Variants in EFCAB6 observed in about 807,000 individuals in gnomAD.
The protein encoded by EFCAB6 is EF-hand calcium binding domain 6, also known as EF-hand calcium-binding domain-containing protein 6.
Under a neutral mutation model 169.8 loss-of-function variants are expected in EFCAB6, and 156 were observed. The observed-to-expected ratio is 0.92, with a 90% CI of 0.81 to 1.05. EFCAB6 has a LOEUF of 1.05. Ranked by LOEUF, EFCAB6 falls within the 50% of genes least tolerant of loss-of-function variation. The pLI is 0.00. For synonymous variants in EFCAB6, 698 were observed against 676.4 expected, an observed-to-expected ratio of 1.03 and a Z score of -0.50; for missense variants, 1,800 against 1,829.1, an observed-to-expected ratio of 0.98 and a Z score of 0.29.
At chr22:43,616,577 T>C (rs1015823669) in intron 20 of EFCAB6, among the ~76,000 whole-genome samples, 6 of 148,630 alleles carry the variant, frequency 4.0e-5, no homozygotes, top group African/African-American at 1.5e-4. Context: ...GGCAGGAGCA[T>C]TGCTTGAACC....
chr22:43,721,568 T>G (rs542471551), intron 8 of EFCAB6, among the ~76,000 whole-genome samples: 1 of 152,132 alleles, frequency 6.6e-6, no homozygotes, highest in South Asian at 2.1e-4. Flanking sequence ...TGGAACAGAA[T>G]AGGAAACTCA....
intron 29 of EFCAB6, chr22:43,535,152 C>T: frequency 2.9e-6 from 1 of 349,890 alleles, no homozygotes; most frequent in South Asian, 5.2e-5. Context: ...GACCAAAACA[C>T]AGAGAGGGAG....
chr22:43,529,121 TG>T, intron 31 of EFCAB6, 146 bp from the exon 32 acceptor site: 1 of 960,360 alleles, frequency 1.0e-6, no homozygotes. Flanking sequence ...GCTCTCTCTA[TG>T]CCCTCTCAAC....
At position 43,744,920 on chromosome 22, in the gene EFCAB6, A is replaced by G. The variant is rs76303712; in HGVS notation, c.508-8927T>C. ...GGAGGAGCTGAGAAGGGCGTGCTGA[A>G]CCAGCCCCACACTTGAGGTTTAAAC... On this transcript the variant is annotated intron_variant, in intron 6 of 31. Coordinates refer to ENST00000262726, the MANE Select transcript of EFCAB6 (RefSeq NM_022785.4). This position sits in a 1 kb window ranked among gnomAD's most constrained non-coding sequence, Gnocchi z 4.3. Among the ~76,000 whole-genome samples, 974 of 152,240 alleles carry G rather than the reference A, an allele frequency of 6.4e-3. 22 individuals carry two copies. Among genetic ancestry groups the G allele is most frequent in the African/African-American group, 0.023 (936 of 41,550 alleles).
chr22:43,618,223 A>AAAGAAAGAAAGAAAGG lies in EFCAB6; in HGVS notation c.2466-2302_2466-2301insCCTTTCTTTCTTTCTT, dbSNP rs1569257564. 6.1e-5 allele frequency among the ~76,000 whole-genome samples: 6 copies of AAAGAAAGAAAGAAAGG among 97,954 alleles called. No homozygotes were observed. In the East Asian group the frequency reaches 1.6e-3, roughly 25 times the overall value. 64.3% of individuals were successfully genotyped at this position (97,954 alleles called of 152,430 possible). ...GAAAGAAAGAAAGAAAGAAAGAAAGAGAAAGAAAGAAAGAGAGAGAAAGAG... is the reference window on the plus strand; with the variant it reads ...GAAAGAAAGAAAGAAAGAAAGAAAGAAAGAAAGAAAGAAAGGGAAAGAAAGAAAGAGAGAGAAAGAG... On this transcript the variant is annotated intron_variant, in intron 20 of 31. Transcript: ENST00000262726.
At chr22:43,611,040 A>G (rs2053263905) in intron 21 of EFCAB6, among the ~76,000 whole-genome samples, 2 of 152,236 alleles carry the variant, frequency 1.3e-5, no homozygotes, top group Admixed American at 6.5e-5. Context: ...AGTGGAGGGA[A>G]TAATTCCTAA....
chr22:43,568,094 C>T (rs537082847), intron 26 of EFCAB6, among the ~76,000 whole-genome samples: 14 of 152,314 alleles, frequency 9.2e-5, no homozygotes, highest in Admixed American at 2.6e-4. Context: ...TGTTTTGAGA[C>T]GCCCACCCAG....
intron 23 of EFCAB6, among the ~76,000 whole-genome samples, chr22:43,591,350 G>A (rs368997511): frequency 9.9e-5 from 15 of 151,196 alleles, no homozygotes; most frequent in East Asian, 5.8e-4. Flanking sequence ...CCAGCTACTC[G>A]AGAGGCTGAG....
At chr22:43,642,216 C>T (rs1282568068) in intron 17 of EFCAB6, among the ~76,000 whole-genome samples, 1 of 152,238 alleles carries the variant, frequency 6.6e-6, no homozygotes, top group Non-Finnish European at 1.5e-5. Context: ...GCTGGGATTA[C>T]AGGCATGAGC....
chr22:43,589,258 G>A (rs939471918), intron 24 of EFCAB6, among the ~76,000 whole-genome samples: 1 of 94,946 alleles, frequency 1.1e-5, no homozygotes. Context: ...TACCATCTGG[G>A]TAACAGAGGG....
chr22:43,593,317 G>A (rs531113301), intron 23 of EFCAB6, among the ~76,000 whole-genome samples: 1 of 152,252 alleles, frequency 6.6e-6, no homozygotes, highest in East Asian at 1.9e-4. Flanking sequence ...CTTGCAGCTC[G>A]CAGTTCTTTT....
intron 20 of EFCAB6, among the ~76,000 whole-genome samples, chr22:43,621,085 T>C (rs1042798528): frequency 1.5e-5 from 2 of 135,850 alleles, no homozygotes; most frequent in Admixed American, 8.1e-5. Flanking sequence ...TTAAACACTA[T>C]GCAATTTTTT....
chr22:43,609,931 C>T (rs372126374), intron 21 of EFCAB6, among the ~76,000 whole-genome samples: 4 of 152,268 alleles, frequency 2.6e-5, no homozygotes, highest in South Asian at 2.1e-4. Context: ...ATGCTCAGAT[C>T]GGCCAGGGGA....
At chr22:43,632,294 C>CTTTTTTTTT (rs200314912) in intron 18 of EFCAB6, 56 bp from the exon 19 acceptor site, 38 of 1,131,086 alleles carry the variant, frequency 3.4e-5, no homozygotes, top group African/African-American at 1.6e-4. Context: ...TTCATTCCTT[C>CTTTTTTTTT]TTTTTTTTTT....
intron 19 of EFCAB6, among the ~76,000 whole-genome samples, chr22:43,626,999 G>A (rs1388856558): frequency 6.6e-6 from 1 of 152,148 alleles, no homozygotes; most frequent in Non-Finnish European, 1.5e-5. Context: ...AGTCCAGGAA[G>A]GAAGGGAAGG....
intron 2 of EFCAB6, among the ~76,000 whole-genome samples, chr22:43,806,110 G>A (rs2062909364): frequency 7.0e-6 from 1 of 143,362 alleles, no homozygotes; most frequent in Non-Finnish European, 1.5e-5. Context: ...AAGTTGCAGT[G>A]AGCCGAGATC....
chr22:43,725,266 C>T (rs1011164229), intron 8 of EFCAB6, among the ~76,000 whole-genome samples: 11 of 151,794 alleles, frequency 7.2e-5, no homozygotes, highest in South Asian at 2.1e-4. Flanking sequence ...CTCAGCCTCC[C>T]GAATAGCTGG....
rs2060680178 is a variant in EFCAB6, at chr22:43,749,517, G to A, written c.507+6249C>T. ...ACCTCAGACCATCAGACACTAGTTAGATGGTTCTCATAAGGAGCGTGCAAC... is the reference window on the plus strand; with the variant it reads ...ACCTCAGACCATCAGACACTAGTTAAATGGTTCTCATAAGGAGCGTGCAAC... On this transcript the variant is annotated intron_variant, in intron 6 of 31. Transcript: ENST00000262726. Among the ~76,000 whole-genome samples, 4 of 152,252 alleles carry A rather than the reference G, an allele frequency of 2.6e-5. No individual in the cohort carries two copies. The South Asian group carries it at 8.3e-4, about 32-fold the overall frequency.
At chr22:43,672,403 C>G (rs1204724753) in intron 13 of EFCAB6, 98 bp from the exon 14 acceptor site, 4 of 1,263,374 alleles carry the variant, frequency 3.2e-6, no homozygotes, top group Middle Eastern at 4.2e-4. Context: ...CTAGCTCTGT[C>G]CCTAATTAGC....
Sources: gnomAD v4.1 joint callset for allele counts (sites outside exome capture counted in the v4.1 genomes callset) on GRCh38, gnomAD v4.1.1 for gene constraint, Gnocchi (gnomAD v3.1) non-coding constraint, MANE v1.5 for transcripts, NCBI Gene and HGNC (gene_info 2026-07-23, HGNC 2026-07-21) for gene names.